The following KCNA3 variants were observed in gnomAD, a reference collection of about 807,000 sequenced individuals.
The protein encoded by KCNA3 is potassium voltage-gated channel subfamily A member 3, also known as RP11-284N8.3.
Under a neutral mutation model 34.3 loss-of-function variants are expected in KCNA3, and 18 were observed. That is an observed-to-expected ratio of 0.52 (90% CI 0.36 to 0.78). The LOEUF (loss-of-function observed/expected upper bound fraction) is 0.78. Among genes scored for constraint, KCNA3 ranks in the 30% least tolerant of loss-of-function variants. The pLI is 0.00. For synonymous variants in KCNA3, 324 were observed against 351.7 expected, an observed-to-expected ratio of 0.92 and a Z score of 0.88; for missense variants, 587 against 802.5, an observed-to-expected ratio of 0.73 and a Z score of 3.24.
chr1:110,674,210 G>A lies in KCNA3; in HGVS notation c.600C>T (p.Asp200=), dbSNP rs1245175424. 2.5e-6 allele frequency: 4 copies of A among 1,613,342 alleles called. No individual in the cohort carries two copies. The highest frequency in any genetic ancestry group is 3.3e-5 in the Admixed American group (2 of 59,998). Residue 200 remains aspartate (D), a synonymous_variant, in exon 1 of 1, where the codon GAC becomes GAT. Coordinates refer to ENST00000369769, the MANE Select transcript of KCNA3 (RefSeq NM_002232.5). This position sits in a 1 kb window ranked among gnomAD's most constrained non-coding sequence, Gnocchi z 6.4. ...GCTCCTCCTCCCGCAGGAAGCCCTC[G>A]TCCTCGCGGAACTTCTCCATGGCCT... ...GEEAMEKFRE[D]EGFLREEERP...
the KCNA3 span, among the ~76,000 whole-genome samples, chr1:110,665,589 C>T: frequency 6.6e-6 from 1 of 152,060 alleles, no homozygotes; most frequent in Non-Finnish European, 1.5e-5. Context: ...GTCACGTAGG[C>T]AGGTGGAAAT....
Position 110,674,249 on chromosome 1 carries a change from G to A in KCNA3, c.561C>T (p.Tyr187=). ...TCTCCATGGCCTCCTCGCCCAGCTG[G>A]TAGAAGCGGATCTCCTCGGAGAAAA... ...IDIFSEEIRF[Y]QLGEEAMEKF... The change falls in exon 1 of 1, where the codon TAC becomes TAT. Residue 187 remains tyrosine (Y), a synonymous_variant. Coordinates refer to ENST00000369769, the MANE Select transcript of KCNA3 (RefSeq NM_002232.5). The surrounding 1 kb of genome is among the most constrained non-coding windows in gnomAD (Gnocchi z 6.4). 6.2e-7 allele frequency: 1 copy of A among 1,614,088 alleles called. No individual in the cohort carries two copies. Among genetic ancestry groups the A allele is most frequent in the East Asian group, 2.2e-5 (1 of 44,846 alleles).
In KCNA3 at chr1:110,674,496, C is replaced by A; in HGVS notation, c.314G>T (p.Arg105Leu). ...CAGCCCGGAGATGTTGATGACCACG[C>A]GCTCCCCGCAGCAGTCCTGCTCGCC... Reference protein sequence around the residue: ...AAGEQDCCGERVVINISGLRF... With the variant: ...AAGEQDCCGELVVINISGLRF... Residue 105 changes from arginine to leucine, a missense_variant, in exon 1 of 1, where the codon CGC (arginine) becomes CTC (leucine). By Grantham distance (102) the Arg-to-Leu change is moderately radical. Transcript: ENST00000369769. This position sits in a 1 kb window ranked among gnomAD's most constrained non-coding sequence, Gnocchi z 6.4. The A allele has an allele frequency of 6.2e-7, 1 of 1,613,586 alleles. No homozygotes were observed. Among genetic ancestry groups the A allele is most frequent in the Non-Finnish European group, 8.5e-7 (1 of 1,179,872 alleles).
At chr1:110,662,301 G>T in the KCNA3 span, among the ~76,000 whole-genome samples, 81 of 151,842 alleles carry the variant, frequency 5.3e-4, no homozygotes, top group African/African-American at 1.7e-3. Context: ...AACAAGAAAA[G>T]AGAATAAGAA....
chr1:110,672,372 T>C (rs1445278671), downstream of KCNA3: 1 of 152,632 alleles, frequency 6.6e-6, no homozygotes, highest in Non-Finnish European at 1.5e-5. Context: ...GGCTGGGACA[T>C]ATGCACAGAA....
Position 110,673,146 on chromosome 1 carries a change from G to A in KCNA3, c.1664C>T (p.Thr555Ile). 6.2e-7 allele frequency: 1 copy of A among 1,614,128 alleles called. No homozygotes were observed. Among genetic ancestry groups the A allele is most frequent in the Non-Finnish European group, 8.5e-7 (1 of 1,180,014 alleles). The change falls in exon 1 of 1, where the codon ACC becomes ATC. Residue 555 changes from threonine to isoleucine, a missense_variant. Around this residue, in one of 7 missense-constraint regions of KCNA3, gnomAD observed 95 missense variants for 107.3 expected, o/e 0.89. Transcript: ENST00000369769. This position sits in a 1 kb window ranked among gnomAD's most constrained non-coding sequence, Gnocchi z 8.8. ...TPFKTGNSTA[T>I]CTTNNNPNSC... ...GTTGGGATTATTGTTCGTGGTGCAG[G>A]TGGCAGTGGAATTGCCCGTTTTGAA...
At chr1:110,662,980 AAGTCT>A in the KCNA3 span, among the ~76,000 whole-genome samples, 1 of 152,182 alleles carries the variant, frequency 6.6e-6, no homozygotes, top group African/African-American at 2.4e-5. Flanking sequence ...TGCTCTTTAG[AAGTCT>A]GACACATAGT....
At position 110,674,096 on chromosome 1, in the gene KCNA3, G is replaced by T. The variant is rs1651987172; in HGVS notation, c.714C>A (p.Ile238=). The T allele has an allele frequency of 1.2e-6, 2 of 1,609,892 alleles. No individual in the cohort carries two copies. The highest frequency in any genetic ancestry group is 1.7e-5 in the Admixed American group (1 of 59,500). Residue 238 remains isoleucine (I), a synonymous_variant, in exon 1 of 1, where the codon ATC becomes ATA. Coordinates refer to ENST00000369769, the MANE Select transcript of KCNA3 (RefSeq NM_002232.5). This position sits in a 1 kb window ranked among gnomAD's most constrained non-coding sequence, Gnocchi z 6.4. ...ESSGPARGIA[I]VSVLVILISI... is the part of the protein sequence containing the mutation. ...AGATGAGGATGACCAGCACGGACAC[G>T]ATGGCGATGCCCCGGGCCGGCCCGG... is the stretch of plus-strand genomic sequence containing the variant.
the KCNA3 span, among the ~76,000 whole-genome samples, chr1:110,663,998 T>C: frequency 6.6e-6 from 1 of 152,230 alleles, no homozygotes; most frequent in African/African-American, 2.4e-5. Context: ...AGTCAGGCCA[T>C]ATCTACAGTG....
chr1:110,656,087 A>T, the KCNA3 span: 2 of 152,142 alleles, frequency 1.3e-5, no homozygotes, highest in Non-Finnish European at 2.9e-5. Flanking sequence ...CTGGGACCAA[A>T]AGGACATTAA....
At chr1:110,657,539 AC>A in the KCNA3 span, among the ~76,000 whole-genome samples, 1 of 152,120 alleles carries the variant, frequency 6.6e-6, no homozygotes, top group Non-Finnish European at 1.5e-5. Flanking sequence ...TGTTATCTAA[AC>A]CAGTAGCATT....
chr1:110,654,064 T>C, the KCNA3 span: 1 of 152,194 alleles, frequency 6.6e-6, no homozygotes, highest in Non-Finnish European at 1.5e-5. Flanking sequence ...ACAGTGTCTC[T>C]CTGCTGTCTG....
rs1651982463 is a variant in KCNA3, at chr1:110,674,017, A to G, written c.793T>C (p.Tyr265His). The stretch of plus-strand genomic sequence containing the variant: ...GAGTCCTGCGACGTCGAGGCGGGGT[A>G]GTCCTTCTCGTCGCGGAACTCCGGC... ...TLPEFRDEKD[Y>H]PASTSQDSFE... The change falls in exon 1 of 1, where the codon TAC becomes CAC. Residue 265 changes from tyrosine (Y) to histidine (H), a missense_variant. Coordinates refer to ENST00000369769, the MANE Select transcript of KCNA3 (RefSeq NM_002232.5). This position sits in a 1 kb window ranked among gnomAD's most constrained non-coding sequence, Gnocchi z 6.4. 1 of 1,610,954 alleles carries G rather than the reference A, an allele frequency of 6.2e-7. No homozygotes were observed. Among genetic ancestry groups the G allele is most frequent in the African/African-American group, 1.3e-5 (1 of 74,792 alleles).
chr1:110,660,527 AGAC>A, the KCNA3 span, among the ~76,000 whole-genome samples: 1 of 152,180 alleles, frequency 6.6e-6, no homozygotes, highest in Non-Finnish European at 1.5e-5. Flanking sequence ...AGAGAGAGAG[AGAC>A]AAGACACCAA....
chr1:110,663,051 G>T, the KCNA3 span, among the ~76,000 whole-genome samples: 8 of 152,108 alleles, frequency 5.3e-5, no homozygotes, highest in Non-Finnish European at 1.5e-5. Flanking sequence ...ATGTATTCAT[G>T]ACTATCTGAT....
chr1:110,674,923 G>A lies in KCNA3; in HGVS notation c.-114C>T. The A allele has an allele frequency of 8.1e-7, 1 of 1,240,902 alleles. No individual in the cohort carries two copies. Among genetic ancestry groups the A allele is most frequent in the African/African-American group, 1.6e-5 (1 of 63,812 alleles). The allele number at this position is 1,240,902 out of a possible 1,614,324, so 76.9% of individuals were successfully genotyped here. A position where few individuals can be genotyped will look rare whatever the true frequency, so the allele number is the denominator to read the frequency against. On this transcript the variant is annotated 5_prime_UTR_variant, in exon 1 of 1. Transcript: ENST00000369769. This position sits in a 1 kb window ranked among gnomAD's most constrained non-coding sequence, Gnocchi z 6.4. ...CACCGCCTGTTGCAGCCAAAGCCGC[G>A]ATGCTCTGTCTGGGTCTGGCGCGGT...
rs748973460 is a variant in KCNA3 at position 110,674,164 on chromosome 1, A to C, written c.646T>G (p.Phe216Val). Residue 216 changes from phenylalanine to valine, a missense_variant, in exon 1 of 1, where the codon TTC (phenylalanine) becomes GTC (valine). Around this residue, in one of 7 missense-constraint regions of KCNA3, gnomAD observed 341 missense variants for 355.4 expected, o/e 0.96. Transcript: ENST00000369769. The surrounding 1 kb of genome is among the most constrained non-coding windows in gnomAD (Gnocchi z 6.4). Reference protein sequence around the residue: ...EEERPLPRRDFQRQVWLLFEY... With the variant: ...EEERPLPRRDVQRQVWLLFEY... The stretch of plus-strand genomic sequence containing the variant: ...AAGAGCAGCCACACCTGGCGCTGGA[A>C]GTCGCGGCGGGGCAAGGGCCGCTCC... 52 of 1,613,402 alleles carry C rather than the reference A, an allele frequency of 3.2e-5. No homozygotes were observed. The highest frequency in any genetic ancestry group is 4.3e-5 in the Non-Finnish European group (51 of 1,179,680).
chr1:110,656,866 C>T, the KCNA3 span: 1 of 152,102 alleles, frequency 6.6e-6, no homozygotes, highest in African/African-American at 2.4e-5. Context: ...TTTCATTCTG[C>T]AGACTGATTT....
chr1:110,666,080 A>G, the KCNA3 span, among the ~76,000 whole-genome samples: 50 of 152,354 alleles, frequency 3.3e-4, no homozygotes, highest in African/African-American at 1.1e-3. Flanking sequence ...CTATGTCAAG[A>G]TAACATACTA....
Sources: allele counts gnomAD v4.1 joint callset (sites outside exome capture counted in the v4.1 genomes callset), GRCh38; gene constraint gnomAD v4.1.1; regional missense constraint gnomAD v4.1.1; non-coding constraint Gnocchi (gnomAD v3.1); transcripts MANE v1.5; gene names NCBI Gene and HGNC (gene_info 2026-07-23, HGNC 2026-07-21).